The following ACSM2B variants were observed in gnomAD, a reference collection of about 807,000 sequenced individuals.
ACSM2B encodes the protein acyl-coenzyme A synthetase ACSM2B, mitochondrial.
Under a neutral mutation model 78.6 loss-of-function variants are expected in ACSM2B, and 58 were observed. The ratio of observed to expected loss-of-function variants is 0.74; its 90% CI spans 0.60 to 0.92. ACSM2B has a LOEUF of 0.92. Ranked by LOEUF, ACSM2B falls within the 40% of genes least tolerant of loss-of-function variation. The pLI, the probability that ACSM2B is intolerant of heterozygous loss-of-function variation, is 0.00. For missense variants in ACSM2B, 688 were observed against 711.2 expected (o/e 0.97, Z 0.37); for synonymous variants, 257 against 256.8 (o/e 1.00, Z -0.01).
At chr16:20,546,534 A>G in intron 8 of ACSM2B, 60 bp from the exon 9 acceptor site, 1 of 1,569,666 alleles carries the variant, frequency 6.4e-7, no homozygotes, top group South Asian at 1.2e-5. Flanking sequence ...TCACAGAAAA[A>G]GAAAAAATTT....
At chr16:20,546,370 C>T (rs750341613) in intron 9 of ACSM2B, 24 bp downstream of exon 9, 32 of 1,577,640 alleles carry the variant, frequency 2.0e-5, no homozygotes, top group Middle Eastern at 1.7e-4. Flanking sequence ...CTAACTTCCT[C>T]CCTCCTCAGT....
In ACSM2B at chr16:20,552,207, C is replaced by T; in HGVS notation, c.831G>A (p.Trp277Ter). The part of the protein sequence containing the change: ...LNILGSLLES[W>*]TLGACTFVHL... ...GAACAAATGTGCATGCTCCTAATGT[C>T]CAAGATTCCAAAAGTGAGCCCAAGA... Residue 277 changes from tryptophan (W) to a stop codon, truncating the protein, a stop_gained, in exon 6 of 14, where the codon TGG becomes TGA. Transcript: ENST00000329697. LOFTEE classifies it high-confidence loss of function. The T allele has an allele frequency of 1.9e-6, 3 of 1,613,880 alleles. No homozygotes were observed. Among genetic ancestry groups the T allele is most frequent in the Non-Finnish European group, 1.7e-6 (2 of 1,179,834 alleles).
At chr16:20,544,684 G>A in intron 10 of ACSM2B, 1 of 984,042 alleles carries the variant, frequency 1.0e-6, no homozygotes, top group Non-Finnish European at 1.2e-6. Context: ...AAGTGAGGTG[G>A]CCAGATTCAA....
chr16:20,545,232 C>T lies in ACSM2B; in HGVS notation c.1206G>A (p.Leu402=), dbSNP rs768805777. 1.2e-6 allele frequency: 2 copies of T among 1,613,726 alleles called. No individual in the cohort carries two copies. The highest frequency in any genetic ancestry group is 1.3e-5 in the African/African-American group (1 of 74,922). Residue 402 remains leucine, a synonymous_variant, in exon 10 of 14, where the codon CTG becomes CTA. Coordinates refer to ENST00000329697, the MANE Select transcript of ACSM2B (RefSeq NM_001105069.2). ...CAATGTCTCCTTCTGTGCCGGGGGGCAGGACGTTGCCCTTATCATCTATAA... is the reference window on the plus strand; with the variant it reads ...CAATGTCTCCTTCTGTGCCGGGGGGTAGGACGTTGCCCTTATCATCTATAA... The part of the protein sequence containing the change: ...VQVIDDKGNV[L]PPGTEGDIGI...
chr16:20,554,078 A>G, intron 4 of ACSM2B, 158 bp from the exon 5 acceptor site: 3 of 1,136,482 alleles, frequency 2.6e-6, no homozygotes, highest in Non-Finnish European at 3.8e-6. Flanking sequence ...TGGGAGCCTG[A>G]GTCAATCAGA....
chr16:20,547,602 T>C lies in ACSM2B; in HGVS notation c.1098+460A>G, dbSNP rs532752700. The C allele has an allele frequency of 1.3e-4, 134 of 997,580 alleles. No individual in the cohort carries two copies. The Middle Eastern group carries it at 3.6e-3, about 27-fold the overall frequency. 61.8% of individuals were successfully genotyped at this position (997,580 alleles called of 1,614,324 possible). A position where few individuals can be genotyped will look rare whatever the true frequency, so the allele number is the denominator to read the frequency against. ...AGTTCCAAGAAGATATGTCAGGAGG[T>C]GCAGTAAAGCCATGGTGGGTTCTTC... On this transcript the variant is annotated intron_variant, in intron 8 of 13. Coordinates refer to ENST00000329697, the MANE Select transcript of ACSM2B (RefSeq NM_001105069.2).
At chr16:20,547,913 C>T in intron 8 of ACSM2B, 149 bp downstream of exon 8, 1 of 1,492,222 alleles carries the variant, frequency 6.7e-7, no homozygotes, top group African/African-American at 1.4e-5. Context: ...GCTGAATTTT[C>T]AATACTCAGT....
In ACSM2B at chr16:20,537,382, T is replaced by G; in HGVS notation, c.1630-20A>C. ...CTCTATCTGTTGAAAAACAAATCAG[T>G]CCAGGGTGGGTGATCTGTGATGACA... On this transcript the variant is annotated intron_variant, in intron 13 of 13. Transcript: ENST00000329697. 6.2e-7 allele frequency: 1 copy of G among 1,612,482 alleles called. No homozygotes were observed. Among genetic ancestry groups the G allele is most frequent in the Admixed American group, 1.7e-5 (1 of 60,012 alleles).
rs1282700416 is a variant in ACSM2B, at chr16:20,538,941, C to A, written c.1630-1579G>T. On this transcript the variant is annotated intron_variant, in intron 13 of 13. Transcript: ENST00000329697. ...GGGACAAAGAAGTCCCACTCCACCA[C>A]CAGACCCCTGTGGGGATTGCCTCAG... Among the ~76,000 whole-genome samples, 3 of 152,060 alleles carry A rather than the reference C, an allele frequency of 2.0e-5. No individual in the cohort carries two copies. The East Asian group carries it at 5.8e-4, about 29-fold the overall frequency.
intron 2 of ACSM2B, among the ~76,000 whole-genome samples, chr16:20,562,989 C>G (rs2015709563): frequency 6.6e-6 from 1 of 152,172 alleles, no homozygotes; most frequent in South Asian, 2.1e-4. Flanking sequence ...TCTCACATCT[C>G]TATAATTCCA....
intron 1 of ACSM2B, chr16:20,575,399 C>T (rs2016218707): frequency 6.6e-6 from 1 of 150,896 alleles, no homozygotes; most frequent in Non-Finnish European, 1.5e-5. Flanking sequence ...TATATATATA[C>T]AGTTTATTCA....
chr16:20,554,690 G>T (rs560182332), intron 4 of ACSM2B, among the ~76,000 whole-genome samples: 1 of 152,330 alleles, frequency 6.6e-6, no homozygotes, highest in East Asian at 1.9e-4. Flanking sequence ...AGAGATACAA[G>T]AGGTGGGAAG....
intron 2 of ACSM2B, among the ~76,000 whole-genome samples, chr16:20,561,605 A>G (rs1290504176): frequency 2.0e-5 from 3 of 151,990 alleles, no homozygotes; most frequent in African/African-American, 4.8e-5. Flanking sequence ...TTTGGAGAAA[A>G]CAAATATCCA....
intron 13 of ACSM2B, among the ~76,000 whole-genome samples, chr16:20,538,941 C>G (rs1282700416): frequency 6.6e-6 from 1 of 152,060 alleles, no homozygotes; most frequent in Admixed American, 6.5e-5. Context: ...CACTCCACCA[C>G]CAGACCCCTG....
intron 1 of ACSM2B, among the ~76,000 whole-genome samples, chr16:20,568,373 A>G (rs1596738396): frequency 6.9e-6 from 1 of 145,856 alleles, no homozygotes; most frequent in Non-Finnish European, 1.5e-5. Flanking sequence ...CACATATTAT[A>G]TATTTATATA....
At chr16:20,559,579 A>C (rs2015585499) in intron 2 of ACSM2B, 132 bp from the exon 3 acceptor site, 4 of 1,323,240 alleles carry the variant, frequency 3.0e-6, no homozygotes, top group Non-Finnish European at 4.1e-6. Context: ...CAATCATAAA[A>C]AGTATTGAAA....
intron 1 of ACSM2B, among the ~76,000 whole-genome samples, chr16:20,568,126 T>C (rs1209767769): frequency 7.0e-6 from 1 of 143,676 alleles, no homozygotes; most frequent in South Asian, 2.1e-4. Context: ...ATTATATATA[T>C]GTTATACGTT....
chr16:20,552,095 A>C (rs749863691), intron 6 of ACSM2B, 49 bp downstream of exon 6: 75 of 1,545,760 alleles, frequency 4.9e-5, no homozygotes, highest in Non-Finnish European at 6.3e-5. Context: ...GAAGTGTGCA[A>C]ACCTCGGGCT....
chr16:20,544,239 A>G (rs1380432213), intron 10 of ACSM2B, among the ~76,000 whole-genome samples: 1 of 152,222 alleles, frequency 6.6e-6, no homozygotes, highest in African/African-American at 2.4e-5. Flanking sequence ...TCTGTATAAT[A>G]GGAATAATCA....
Sources: gnomAD v4.1 joint callset for allele counts (sites outside exome capture counted in the v4.1 genomes callset) on GRCh38, gnomAD v4.1.1 for gene constraint, MANE v1.5 for transcripts, NCBI Gene and HGNC (gene_info 2026-07-23, HGNC 2026-07-21) for gene names.